Variants in SMTNL2 observed in about 807,000 individuals in gnomAD.
SMTNL2 encodes the protein smoothelin-like protein 2.
In SMTNL2, 43 loss-of-function variants were observed where a neutral mutation model predicts 44.1. The observed-to-expected ratio is 0.98, with a 90% confidence interval of 0.76 to 1.26. The LOEUF (loss-of-function observed/expected upper bound fraction) is 1.26. Among genes scored for constraint, SMTNL2 ranks in the 50% most tolerant of loss-of-function variants. SMTNL2 has a pLI of 0.00. For synonymous variants in SMTNL2, 317 were observed against 287.6 expected (o/e 1.10, Z -1.03); for missense variants, 646 against 670.2 (o/e 0.96, Z 0.40).
At chr17:4,599,009 G>A (rs1909925987) in intron 7 of SMTNL2, among the ~76,000 whole-genome samples, 2 of 152,294 alleles carry the variant, frequency 1.3e-5, no homozygotes, top group Middle Eastern at 3.4e-3. Context: ...GAGCCAGAGG[G>A]TCTTGTAACC....
In SMTNL2 at chr17:4,607,680, G is replaced by A. The variant is rs189274236; in HGVS notation, c.*193G>A. ...TAAAAGTACTGCTGAGCTGTGGTCCGACAGCACTGATCACAGCCAAGGGCT... is the reference window on the plus strand; with the variant it reads ...TAAAAGTACTGCTGAGCTGTGGTCCAACAGCACTGATCACAGCCAAGGGCT... On this transcript the variant is annotated 3_prime_UTR_variant, in exon 8 of 8. Transcript: ENST00000389313. The surrounding 1 kb of genome is among the most constrained non-coding windows in gnomAD (Gnocchi z 4.7). 2,961 of 851,640 alleles carry A rather than the reference G, an allele frequency of 3.5e-3. 8 individuals carry two copies. The highest frequency in any genetic ancestry group is 4.5e-3 in the Non-Finnish European group (2,615 of 582,012). The allele number at this position is 851,640 out of a possible 1,614,324, so 52.8% of individuals were successfully genotyped here.
upstream of SMTNL2, chr17:4,584,206 C>A (rs1016515615): frequency 6.0e-5 from 10 of 166,098 alleles, no homozygotes; most frequent in Non-Finnish European, 1.2e-4. Flanking sequence ...GGAGTCTCCG[C>A]CCCCGGAGGA....
chr17:4,593,515 G>A (rs74693175), intron 3 of SMTNL2, among the ~76,000 whole-genome samples: 2,102 of 152,370 alleles, frequency 0.014, 16 homozygotes, highest in Admixed American at 0.018. Context: ...GGGGGAAGCC[G>A]TGTGGGCCTC....
rs767154159 is a variant in SMTNL2 at position 4,597,239 on chromosome 17, CCTT to C, written c.1180_1182del (p.Phe394del). 3.1e-6 allele frequency: 5 copies of C among 1,614,192 alleles called. No homozygotes were observed. The highest frequency in any genetic ancestry group is 3.4e-6 in the Non-Finnish European group (4 of 1,180,020). On this transcript the variant is annotated inframe_deletion, in exon 7 of 8. Transcript: ENST00000389313. ...ATGGCCTTCTGCGCCCTGGTACACT[CCTT>C]CTTCCCCGATGCCTTTGACTACAAC...
In SMTNL2 at chr17:4,592,877, C is replaced by A. The variant is rs1909636388; in HGVS notation, c.488-52C>A. 6.4e-7 allele frequency: 1 copy of A among 1,574,028 alleles called. No homozygotes were observed. The highest frequency in any genetic ancestry group is 1.7e-5 in the Admixed American group (1 of 58,338). On this transcript the variant is annotated intron_variant, in intron 2 of 7. Coordinates refer to ENST00000389313, the MANE Select transcript of SMTNL2 (RefSeq NM_001114974.2). The surrounding 1 kb of genome is among the most constrained non-coding windows in gnomAD (Gnocchi z 4.5). ...TAGAGCCCTCCTGGGAGGTCCCAGG[C>A]CCCTGTGGCTGCCACAGCTGACCAC...
chr17:4,594,680 T>C (rs1159934078), intron 4 of SMTNL2, among the ~76,000 whole-genome samples: 4 of 149,704 alleles, frequency 2.7e-5, no homozygotes, highest in Non-Finnish European at 5.9e-5. Context: ...GGGACTGTGA[T>C]TGGGGATGGG....
At chr17:4,584,267 GCT>G (rs1909244798), upstream of SMTNL2, among the ~76,000 whole-genome samples, 1 of 152,336 alleles carries the variant, frequency 6.6e-6, no homozygotes, top group Admixed American at 6.5e-5. Flanking sequence ...GCCCGGGTGT[GCT>G]CTCTACGGTC....
rs1909308842 is a variant in SMTNL2, at chr17:4,585,462, A to C, written c.399+458A>C. Among the ~76,000 whole-genome samples, 3 of 152,314 alleles carry C rather than the reference A, an allele frequency of 2.0e-5. 1 individual carries two copies. In the Middle Eastern group the frequency reaches 0.01, roughly 518 times the overall value. On this transcript the variant is annotated intron_variant, in intron 1 of 7. Coordinates refer to ENST00000389313, the MANE Select transcript of SMTNL2 (RefSeq NM_001114974.2). ...TCTGGTTATTGATTAACTCAGATTG[A>C]GAACTCAGGCCCCTGGATGGGTGGG...
chr17:4,590,577 A>G (rs1909532691), intron 1 of SMTNL2, among the ~76,000 whole-genome samples: 1 of 151,982 alleles, frequency 6.6e-6, no homozygotes, highest in Non-Finnish European at 1.5e-5. Flanking sequence ...ACATGTCCCA[A>G]CTGAAACCCT....
chr17:4,589,432 C>CCGACATGGTCTACACGGCCGCAG, intron 1 of SMTNL2, among the ~76,000 whole-genome samples: 1 of 152,262 alleles, frequency 6.6e-6, no homozygotes, highest in East Asian at 1.9e-4. Context: ...CCTCCCCCTG[C>CCGACATGGTCTACACGGCCGCAG]CGACATGGTC....
chr17:4,588,963 C>G (rs1162427338), intron 1 of SMTNL2, among the ~76,000 whole-genome samples: 1 of 152,170 alleles, frequency 6.6e-6, no homozygotes, highest in East Asian at 1.9e-4. Context: ...TCAGAATAGC[C>G]CCTTGCGCCT....
At position 4,592,460 on chromosome 17, in the gene SMTNL2, G is replaced by C; in HGVS notation, c.487+12G>C. 1 of 1,609,522 alleles carries C rather than the reference G, an allele frequency of 6.2e-7. No individual in the cohort carries two copies. Among genetic ancestry groups the C allele is most frequent in the Non-Finnish European group, 8.5e-7 (1 of 1,177,982 alleles). On this transcript the variant is annotated intron_variant, in intron 2 of 7. Transcript: ENST00000389313. This position sits in a 1 kb window ranked among gnomAD's most constrained non-coding sequence, Gnocchi z 4.5. ...CCAGCCGGGGGCAGGTAGGGCTGACGGCAGAGGAGGGGTGGCTGGGTAGGT... is the reference window on the plus strand; with the variant it reads ...CCAGCCGGGGGCAGGTAGGGCTGACCGCAGAGGAGGGGTGGCTGGGTAGGT...
In SMTNL2 at chr17:4,592,242, T is replaced by C; in HGVS notation, c.400-119T>C. On this transcript the variant is annotated intron_variant, in intron 1 of 7. Transcript: ENST00000389313. This position sits in a 1 kb window ranked among gnomAD's most constrained non-coding sequence, Gnocchi z 4.5. Reference sequence around the variant, plus strand: ...CCGTCACTTTCTTCCTGGGGGCTGTTTTCTCTCAACATGATTGGTGTTTTG... The same window carrying C: ...CCGTCACTTTCTTCCTGGGGGCTGTCTTCTCTCAACATGATTGGTGTTTTG... 5.2e-6 allele frequency: 5 copies of C among 968,966 alleles called. No homozygotes were observed. Among genetic ancestry groups the C allele is most frequent in the Non-Finnish European group, 8.0e-6 (5 of 628,782 alleles). The allele number at this position is 968,966 out of a possible 1,614,324, so 60.0% of individuals were successfully genotyped here. A position where few individuals can be genotyped will look rare whatever the true frequency, so the allele number is the denominator to read the frequency against.
rs1344287308 is a variant in SMTNL2, at chr17:4,595,940, G to T, written c.989+613G>T. Reference sequence around the variant, plus strand: ...GGTATTGATGTCTGCTGTGTGCAGGGTGTGGCCCAAGCGTGGTATTGATGT... The same window carrying T: ...GGTATTGATGTCTGCTGTGTGCAGGTTGTGGCCCAAGCGTGGTATTGATGT... On this transcript the variant is annotated intron_variant, in intron 5 of 7. Coordinates refer to ENST00000389313, the MANE Select transcript of SMTNL2 (RefSeq NM_001114974.2). This position sits in a 1 kb window ranked among gnomAD's most constrained non-coding sequence, Gnocchi z 5.1. 1.3e-5 allele frequency among the ~76,000 whole-genome samples: 2 copies of T among 151,704 alleles called. No individual in the cohort carries two copies. Among genetic ancestry groups the T allele is most frequent in the South Asian group, 2.1e-4 (1 of 4,760 alleles).
intron 1 of SMTNL2, among the ~76,000 whole-genome samples, chr17:4,590,108 A>G (rs1364388710): frequency 6.6e-6 from 1 of 151,652 alleles, no homozygotes; most frequent in Non-Finnish European, 1.5e-5. Context: ...CTGGGATTAC[A>G]GGCACCCACC....
intron 7 of SMTNL2, among the ~76,000 whole-genome samples, chr17:4,597,890 G>A (rs537158483): frequency 3.9e-5 from 6 of 152,354 alleles, no homozygotes; most frequent in African/African-American, 1.2e-4. Flanking sequence ...GGAGGCACCT[G>A]GAAAGCCAGT....
chr17:4,590,934 C>T (rs1909546862), intron 1 of SMTNL2, among the ~76,000 whole-genome samples: 1 of 152,210 alleles, frequency 6.6e-6, no homozygotes, highest in Non-Finnish European at 1.5e-5. Flanking sequence ...GGCACTTCTC[C>T]ATCTGCCTGC....
At chr17:4,594,609 C>A (rs144951654) in intron 4 of SMTNL2, among the ~76,000 whole-genome samples, 27 of 152,162 alleles carry the variant, frequency 1.8e-4, no homozygotes, top group African/African-American at 6.3e-4. Flanking sequence ...CCACGGGCTG[C>A]GAGCAGGGGC....
chr17:4,586,058 T>C (rs940766899), intron 1 of SMTNL2, among the ~76,000 whole-genome samples: 5 of 152,112 alleles, frequency 3.3e-5, no homozygotes, highest in African/African-American at 7.2e-5. Context: ...GGCTTGCTGC[T>C]ACTGGTGCAG....
Sources: gnomAD v4.1 joint callset for allele counts (sites outside exome capture counted in the v4.1 genomes callset) on GRCh38, gnomAD v4.1.1 for gene constraint, Gnocchi (gnomAD v3.1) non-coding constraint, MANE v1.5 for transcripts, NCBI Gene and HGNC (gene_info 2026-07-23, HGNC 2026-07-21) for gene names.